The following MPDU1 variants were observed in gnomAD, a reference collection of about 807,000 sequenced individuals.
MPDU1 encodes the protein mannose-P-dolichol utilization defect 1.
MPDU1 carries 18 observed loss-of-function variants against 27.6 expected under a neutral mutation model. The ratio of observed to expected loss-of-function variants is 0.65; its 90% CI spans 0.45 to 0.97. MPDU1 has a LOEUF of 0.97. Ranked by LOEUF, MPDU1 falls within the 50% of genes least tolerant of loss-of-function variation. The pLI is 0.00. For missense variants in MPDU1, 279 were observed against 297.4 expected (o/e 0.94, Z 0.46); for synonymous variants, 142 against 131.1 (o/e 1.08, Z -0.57).
intron 1 of MPDU1, 108 bp from the exon 2 acceptor site, chr17:7,585,624 C>A: frequency 9.5e-7 from 1 of 1,057,004 alleles, no homozygotes; most frequent in Non-Finnish European, 1.5e-6. Flanking sequence ...CAAGACAATG[C>A]AAGACCCTGG....
rs897755503 is a variant in MPDU1, at chr17:7,583,944, G to A, written c.82G>A (p.Val28Ile). 18 of 1,614,006 alleles carry A rather than the reference G, an allele frequency of 1.1e-5. No individual in the cohort carries two copies. Among genetic ancestry groups the A allele is most frequent in the Middle Eastern group, 1.6e-4 (1 of 6,084 alleles). ...LPEKCYDQLF[V>I]QWDLLHVPCL... The stretch of plus-strand genomic sequence containing the variant: ...TGAGAAATGCTACGACCAACTTTTC[G>A]TTCAGTGGGACTTGCTTCACGGTGA... Residue 28 changes from valine to isoleucine, a missense_variant, in exon 1 of 7, where the codon GTT (valine) becomes ATT (isoleucine). By Grantham distance (29) the Val-to-Ile change is conservative. Coordinates refer to ENST00000250124, the MANE Select transcript of MPDU1 (RefSeq NM_004870.4).
At chr17:7,587,067 G>GGGGGGGGGGGGGC in intron 5 of MPDU1, 50 bp downstream of exon 5, 4 of 1,041,246 alleles carry the variant, frequency 3.8e-6, no homozygotes, top group Non-Finnish European at 5.7e-6. Context: ...GGGTGGGGGG[G>GGGGGGGGGGGGGC]AAGAGTAGAA....
rs2071605347 is a variant in MPDU1, at chr17:7,587,517, C to G, written c.710C>G (p.Ala237Gly). 6.2e-7 allele frequency: 1 copy of G among 1,613,506 alleles called. No homozygotes were observed. The highest frequency in any genetic ancestry group is 8.5e-7 in the Non-Finnish European group (1 of 1,179,944). Residue 237 changes from alanine to glycine, a missense_variant, in exon 7 of 7, where the codon GCA (alanine) becomes GGA (glycine). Coordinates refer to ENST00000250124, the MANE Select transcript of MPDU1 (RefSeq NM_004870.4). The part of the protein sequence containing the change: ...IAAQLLFYWN[A>G]KPPHKQKKAQ ...GCCCAGCTGCTCTTCTACTGGAATGCAAAGCCTCCCCACAAGCAGAAAAAG... is the reference window on the plus strand; with the variant it reads ...GCCCAGCTGCTCTTCTACTGGAATGGAAAGCCTCCCCACAAGCAGAAAAAG...
rs2071594093 is a variant in MPDU1, at chr17:7,586,972, C to T, written c.462C>T (p.Val154=). Residue 154 remains valine (V), a synonymous_variant, in exon 5 of 7, where the codon GTC becomes GTT. Coordinates refer to ENST00000250124, the MANE Select transcript of MPDU1 (RefSeq NM_004870.4). ...LLSPLTPLTV[V]TLLQASNVPA... The stretch of plus-strand genomic sequence containing the variant: ...CACCTCTGACGCCCTTGACTGTAGT[C>T]ACCCTGCTCCAGGCCTCCAATGTGC... 6.2e-7 allele frequency: 1 copy of T among 1,613,448 alleles called. No individual in the cohort carries two copies. The highest frequency in any genetic ancestry group is 8.5e-7 in the Non-Finnish European group (1 of 1,179,894).
intron 1 of MPDU1, 43 bp downstream of exon 1, chr17:7,584,008 C>T (rs1231626360): frequency 1.3e-6 from 2 of 1,577,824 alleles, no homozygotes; most frequent in Admixed American, 1.7e-5. Flanking sequence ...ACTCGAGTGA[C>T]CGTGGGCCCT....
Position 7,587,767 on chromosome 17 carries a change from T to G in MPDU1, c.*216T>G, listed in dbSNP as rs376449010. 2.8e-6 allele frequency: 2 copies of G among 705,804 alleles called. No individual in the cohort carries two copies. Among genetic ancestry groups the G allele is most frequent in the Non-Finnish European group, 2.5e-6 (1 of 401,048 alleles). The allele number at this position is 705,804 out of a possible 1,614,324, so 43.7% of individuals were successfully genotyped here. On this transcript the variant is annotated 3_prime_UTR_variant, in exon 7 of 7. Coordinates refer to ENST00000250124, the MANE Select transcript of MPDU1 (RefSeq NM_004870.4). Reference sequence around the variant, plus strand: ...GGGTAGAGTCTCCCAAGCCAAAATTTTGACATTTGAGTGCTTTCGTAAGCC... The same window carrying G: ...GGGTAGAGTCTCCCAAGCCAAAATTGTGACATTTGAGTGCTTTCGTAAGCC...
At position 7,583,905 on chromosome 17, in the gene MPDU1, C is replaced by T. The variant is rs148935720; in HGVS notation, c.43C>T (p.Pro15Ser). ...ADGPLKRLLV[P>S]ILLPEKCYDQ... Reference sequence around the variant, plus strand: ...CGGACCGCTTAAACGGCTGCTCGTGCCGATTCTTTTACCTGAGAAATGCTA... The same window carrying T: ...CGGACCGCTTAAACGGCTGCTCGTGTCGATTCTTTTACCTGAGAAATGCTA... The change falls in exon 1 of 7, where the codon CCG becomes TCG. Residue 15 changes from proline to serine, a missense_variant. Pro to Ser is a moderately conservative substitution (Grantham distance 74). Transcript: ENST00000250124. 336 of 1,614,196 alleles carry T rather than the reference C, an allele frequency of 2.1e-4. No homozygotes were observed. The African/African-American group carries it at 4.2e-3, about 20-fold the overall frequency.
intron 1 of MPDU1, 87 bp from the exon 2 acceptor site, chr17:7,585,645 G>A (rs756709546): frequency 1.5e-6 from 2 of 1,312,996 alleles, no homozygotes; most frequent in Admixed American, 3.4e-5. Context: ...TGTGGGTAAG[G>A]GGGCTCGGGG....
intron 1 of MPDU1, among the ~76,000 whole-genome samples, chr17:7,585,155 G>A (rs934532523): frequency 2.0e-5 from 3 of 152,140 alleles, no homozygotes; most frequent in African/African-American, 7.2e-5. Flanking sequence ...AGCCGTGGAG[G>A]TCAAGCCAAG....
intron 3 of MPDU1, 116 bp downstream of exon 3, chr17:7,586,194 C>T (rs2071579803): frequency 7.4e-7 from 1 of 1,348,450 alleles, no homozygotes. Flanking sequence ...ACCTGTAACC[C>T]CAGCACTTTG....
intron 1 of MPDU1, 120 bp from the exon 2 acceptor site, chr17:7,585,612 C>A: frequency 2.1e-6 from 2 of 937,928 alleles, no homozygotes; most frequent in Non-Finnish European, 3.5e-6. Flanking sequence ...CTCTCCTCCC[C>A]CCAAGACAAT....
intron 3 of MPDU1, 142 bp from the exon 4 acceptor site, chr17:7,586,550 A>T (rs746616743): frequency 2.5e-5 from 19 of 769,662 alleles, no homozygotes; most frequent in Non-Finnish European, 4.3e-5. Flanking sequence ...GAGAATGGCC[A>T]CGATTCAGAA....
chr17:7,586,648 C>T, intron 3 of MPDU1, 44 bp from the exon 4 acceptor site: 1 of 1,579,898 alleles, frequency 6.3e-7, no homozygotes, highest in Non-Finnish European at 8.7e-7. Flanking sequence ...TTCCCTGCCT[C>T]TTTCTAGGCC....
intron 3 of MPDU1, 156 bp downstream of exon 3, chr17:7,586,234 T>A: frequency 1.2e-6 from 1 of 869,378 alleles, no homozygotes; most frequent in Non-Finnish European, 1.8e-6. Flanking sequence ...TCACCTGAGG[T>A]CAGGAGTTCG....
chr17:7,587,497 G>A lies in MPDU1; in HGVS notation c.690G>A (p.Gln230=). Residue 230 remains glutamine (Q), a synonymous_variant, in exon 7 of 7, where the codon CAG becomes CAA. Transcript: ENST00000250124. ...SSLCNGLIAA[Q]LLFYWNAKPP... ...TCTGCAACGGCCTCATCGCCGCCCA[G>A]CTGCTCTTCTACTGGAATGCAAAGC... 6.2e-7 allele frequency: 1 copy of A among 1,613,702 alleles called. No homozygotes were observed. Among genetic ancestry groups the A allele is most frequent in the Non-Finnish European group, 8.5e-7 (1 of 1,179,972 alleles).
Position 7,583,878 on chromosome 17 carries a change from G to A in MPDU1, c.16G>A (p.Asp6Asn), listed in dbSNP as rs1342353687. The change falls in exon 1 of 7, where the codon GAC (aspartate) becomes AAC (asparagine). Residue 6 changes from aspartate to asparagine, a missense_variant. Transcript: ENST00000250124. MAAEADGPLKRLLVPI... is the reference protein window; with the variant it reads MAAEANGPLKRLLVPI... ...GCTTTGCAATATGGCGGCCGAGGCGGACGGACCGCTTAAACGGCTGCTCGT... is the reference window on the plus strand; with the variant it reads ...GCTTTGCAATATGGCGGCCGAGGCGAACGGACCGCTTAAACGGCTGCTCGT... The A allele has an allele frequency of 5.0e-6, 8 of 1,614,036 alleles. No individual in the cohort carries two copies. In the East Asian group the frequency reaches 1.3e-4, roughly 27 times the overall value.
upstream of MPDU1, chr17:7,583,694 G>C: frequency 1.2e-6 from 1 of 803,600 alleles, no homozygotes; most frequent in South Asian, 1.4e-5. Flanking sequence ...CCCTGACTGA[G>C]ACTTATTTTA....
chr17:7,586,888 C>G lies in MPDU1; in HGVS notation c.389-11C>G. On this transcript the variant is annotated splice_polypyrimidine_tract_variant and intron_variant, in intron 4 of 6. Coordinates refer to ENST00000250124, the MANE Select transcript of MPDU1 (RefSeq NM_004870.4). ...AGAGATTGACAAGGACTCCTGTCTCCCCACCCCTAGGTGTCGCTTTCCTCG... is the reference window on the plus strand; with the variant it reads ...AGAGATTGACAAGGACTCCTGTCTCGCCACCCCTAGGTGTCGCTTTCCTCG... The G allele has an allele frequency of 6.2e-7, 1 of 1,613,590 alleles. No homozygotes were observed. The highest frequency in any genetic ancestry group is 8.5e-7 in the Non-Finnish European group (1 of 1,179,646).
chr17:7,583,722 TGGGTAGCGTCAGA>T, upstream of MPDU1: 2 of 865,102 alleles, frequency 2.3e-6, no homozygotes, highest in Non-Finnish European at 3.9e-6. Flanking sequence ...AGAGTGAGGG[TGGGTAGCGTCAGA>T]AAGAGCGGGG....
Sources: allele counts gnomAD v4.1 joint callset (sites outside exome capture counted in the v4.1 genomes callset), GRCh38; gene constraint gnomAD v4.1.1; transcripts MANE v1.5; gene names NCBI Gene and HGNC (gene_info 2026-07-23, HGNC 2026-07-21).